The following LRMDA variants were observed in gnomAD, a reference collection of about 807,000 sequenced individuals.
LRMDA encodes leucine-rich melanocyte differentiation-associated protein.
LRMDA carries 18 observed loss-of-function variants against 29.8 expected under a neutral mutation model. That is an observed-to-expected ratio of 0.60 (90% CI 0.42 to 0.90). The LOEUF is 0.90. Ranked by LOEUF, LRMDA falls within the 40% of genes least tolerant of loss-of-function variation. LRMDA has a pLI of 0.00. For synonymous variants in LRMDA, 125 were observed against 109.4 expected (o/e 1.14, Z -0.89); for missense variants, 273 against 273.9 (o/e 1.00, Z 0.02).
intron 2 of LRMDA, among the ~76,000 whole-genome samples, chr10:75,933,208 C>A (rs529989149): frequency 6.6e-6 from 1 of 152,176 alleles, no homozygotes; most frequent in South Asian, 2.1e-4. Context: ...AATAATCAGG[C>A]TAAAAGGATA....
At chr10:76,073,817 G>T (rs1477436580) in intron 5 of LRMDA, among the ~76,000 whole-genome samples, 1 of 152,136 alleles carries the variant, frequency 6.6e-6, no homozygotes, top group Admixed American at 6.5e-5. Flanking sequence ...GAGTCTTATT[G>T]GTGGGTATGG....
At chr10:76,534,213 C>A (rs1843267866) in intron 6 of LRMDA, among the ~76,000 whole-genome samples, 1 of 152,160 alleles carries the variant, frequency 6.6e-6, no homozygotes, top group Non-Finnish European at 1.5e-5. Context: ...TCAGAGATTG[C>A]TTTTTGCTCA....
intron 5 of LRMDA, among the ~76,000 whole-genome samples, chr10:76,192,086 T>C (rs1288888740): frequency 6.6e-6 from 1 of 152,118 alleles, no homozygotes; most frequent in East Asian, 1.9e-4. Flanking sequence ...CTTGTTGGCA[T>C]TGGATAGGGT....
At chr10:75,518,406 A>G (rs1449178167) in intron 2 of LRMDA, among the ~76,000 whole-genome samples, 2 of 152,124 alleles carry the variant, frequency 1.3e-5, no homozygotes. Flanking sequence ...AAGAGATTCA[A>G]CTTCTTCCTG....
At chr10:75,692,216 AAAAAT>A (rs1203824843) in intron 2 of LRMDA, among the ~76,000 whole-genome samples, 2,490 of 55,144 alleles carry the variant, frequency 0.045, 94 homozygotes, top group African/African-American at 0.15. Flanking sequence ...GGGAAAAAAA[AAAAAT>A]ATATATATAT....
intron 2 of LRMDA, among the ~76,000 whole-genome samples, chr10:75,691,246 G>A (rs1001679825): frequency 7.4e-6 from 1 of 135,468 alleles, no homozygotes; most frequent in Admixed American, 7.0e-5. Flanking sequence ...GTGTGTGTAT[G>A]TATGTATGTA....
chr10:76,221,248 C>T (rs1233137132), intron 5 of LRMDA, among the ~76,000 whole-genome samples: 16 of 152,124 alleles, frequency 1.1e-4, no homozygotes, highest in South Asian at 4.1e-4. Context: ...TCCTATTCAA[C>T]ATAGTGTTGG....
At chr10:75,472,775 A>G (rs1054176679) in intron 2 of LRMDA, among the ~76,000 whole-genome samples, 2 of 152,202 alleles carry the variant, frequency 1.3e-5, no homozygotes, top group Non-Finnish European at 2.9e-5. Flanking sequence ...AGGAGGGGAA[A>G]CATCTTGAAG....
chr10:75,936,945 A>C (rs1846305759), intron 2 of LRMDA, among the ~76,000 whole-genome samples: 1 of 152,168 alleles, frequency 6.6e-6, no homozygotes, highest in South Asian at 2.1e-4. Flanking sequence ...CTGTCTTCTC[A>C]TCTTTATTTT....
chr10:76,478,282 C>G (rs1407236506), intron 6 of LRMDA, among the ~76,000 whole-genome samples: 3 of 152,114 alleles, frequency 2.0e-5, no homozygotes, highest in Admixed American at 1.3e-4. Flanking sequence ...ATGCAGCCAA[C>G]AGACACGTGA....
At chr10:76,074,592 C>T (rs751916793) in intron 5 of LRMDA, among the ~76,000 whole-genome samples, 1 of 152,154 alleles carries the variant, frequency 6.6e-6, no homozygotes, top group Non-Finnish European at 1.5e-5. Flanking sequence ...GAACCAGAGA[C>T]CCATGGGAGA....
chr10:76,512,861 C>T (rs1843022587), intron 6 of LRMDA, among the ~76,000 whole-genome samples: 2 of 151,962 alleles, frequency 1.3e-5, no homozygotes, highest in Non-Finnish European at 2.9e-5. Context: ...TCGTGGTATT[C>T]CATTTTTTTA....
At chr10:75,622,373 G>GGTGT (rs145460627) in intron 2 of LRMDA, among the ~76,000 whole-genome samples, 1 of 151,850 alleles carries the variant, frequency 6.6e-6, no homozygotes, top group African/African-American at 2.4e-5. Flanking sequence ...TGCACAAAAT[G>GGTGT]GTGTGTGTGT....
chr10:76,044,339 G>A (rs2132037854), intron 3 of LRMDA, among the ~76,000 whole-genome samples: 1 of 152,200 alleles, frequency 6.6e-6, no homozygotes, highest in Admixed American at 6.5e-5. Flanking sequence ...TATTGGAAGG[G>A]GACTTAGGAC....
intron 2 of LRMDA, among the ~76,000 whole-genome samples, chr10:75,924,651 C>T (rs1312043880): frequency 1.3e-5 from 2 of 152,038 alleles, no homozygotes; most frequent in East Asian, 1.9e-4. Flanking sequence ...CTTTAATACC[C>T]TGAAAAGCAA....
At chr10:75,518,949 A>G (rs1294705518) in intron 2 of LRMDA, among the ~76,000 whole-genome samples, 1 of 152,096 alleles carries the variant, frequency 6.6e-6, no homozygotes, top group Non-Finnish European at 1.5e-5. Context: ...TTCTGCCTTC[A>G]TTTCATTATT....
intron 2 of LRMDA, among the ~76,000 whole-genome samples, chr10:75,448,165 A>C (rs186504689): frequency 1.3e-5 from 2 of 152,360 alleles, no homozygotes; most frequent in East Asian, 3.9e-4. Context: ...AATATAATTT[A>C]GAAAGTGCTT....
chr10:76,137,669 C>T (rs1211052618), intron 5 of LRMDA, among the ~76,000 whole-genome samples: 1 of 151,398 alleles, frequency 6.6e-6, no homozygotes, highest in Non-Finnish European at 1.5e-5. Context: ...AGCCAGATGT[C>T]ACAATGCTCA....
At chr10:76,150,969 G>C (rs1223262431) in intron 5 of LRMDA, among the ~76,000 whole-genome samples, 2 of 152,140 alleles carry the variant, frequency 1.3e-5, no homozygotes, top group African/African-American at 4.8e-5. Context: ...AGTGATGCCA[G>C]TGCTCAGATA....
Sources: allele counts gnomAD v4.1 joint callset (sites outside exome capture counted in the v4.1 genomes callset), GRCh38; gene constraint gnomAD v4.1.1; transcripts MANE v1.5; gene names NCBI Gene and HGNC (gene_info 2026-07-23, HGNC 2026-07-21).